SLC25A48: variants seen among roughly 807,000 people sequenced by gnomAD.
SLC25A48 encodes solute carrier family 25 member 48, also known as CTC-321K16.1.
A neutral mutation model predicts 32.2 loss-of-function variants in SLC25A48; 29 were observed. The ratio of observed to expected loss-of-function variants is 0.90; its 90% CI spans 0.67 to 1.23. The LOEUF (loss-of-function observed/expected upper bound fraction) is 1.23, where lower values mean the gene tolerates loss of function less well. Ranked by LOEUF, SLC25A48 falls within the 50% of genes most tolerant of loss-of-function variation. SLC25A48 has a pLI of 0.00. For missense variants in SLC25A48, 399 were observed against 422.7 expected (o/e 0.94, Z 0.49); for synonymous variants, 164 against 172.3 (o/e 0.95, Z 0.38).
intron 3 of SLC25A48, among the ~76,000 whole-genome samples, chr5:135,637,389 G>C (rs564794154): frequency 5.3e-5 from 8 of 152,140 alleles, no homozygotes; most frequent in African/African-American, 1.9e-4. Flanking sequence ...CCACTTCTTG[G>C]AAAGGAAAGT....
At chr5:135,750,639 T>C (rs13168444) in intron 3 of SLC25A48, among the ~76,000 whole-genome samples, 46,051 of 151,914 alleles carry the variant, frequency 0.3, 7,135 homozygotes, top group East Asian at 0.47. Context: ...ATGTTGTCCA[T>C]AGAGATGCCC....
At chr5:135,584,929 T>C (rs1368046350) in intron 1 of SLC25A48, among the ~76,000 whole-genome samples, 1 of 152,260 alleles carries the variant, frequency 6.6e-6, no homozygotes, top group African/African-American at 2.4e-5. Flanking sequence ...GTTGTAAAGC[T>C]TCTCTCCTTG....
chr5:135,634,122 G>A lies in SLC25A48; in HGVS notation c.-708-647G>A, dbSNP rs572311872. ...AGTCCTATTTGCTCTCCAAAAACAAGGTAAGAAGGCAGGGCCAATTCTAGA... is the reference window on the plus strand; with the variant it reads ...AGTCCTATTTGCTCTCCAAAAACAAAGTAAGAAGGCAGGGCCAATTCTAGA... On this transcript the variant is annotated intron_variant, in intron 2 of 10. Transcript: ENST00000646290. Among the ~76,000 whole-genome samples, 10 of 152,308 alleles carry A rather than the reference G, an allele frequency of 6.6e-5. No individual in the cohort carries two copies. The South Asian group carries it at 2.1e-3, about 32-fold the overall frequency.
chr5:135,654,464 G>T (rs187414596), intron 3 of SLC25A48, among the ~76,000 whole-genome samples: 1 of 152,186 alleles, frequency 6.6e-6, no homozygotes, highest in Non-Finnish European at 1.5e-5. Flanking sequence ...TTATGTAAGT[G>T]GGGGAGCTGG....
chr5:135,761,454 A>AAT (rs928902646), intron 3 of SLC25A48, among the ~76,000 whole-genome samples: 4 of 152,082 alleles, frequency 2.6e-5, no homozygotes, highest in African/African-American at 9.7e-5. Flanking sequence ...GTATAATTAA[A>AAT]ATATATATAT....
At chr5:135,811,383 C>T (rs1246663411) in intron 3 of SLC25A48, among the ~76,000 whole-genome samples, 1 of 152,144 alleles carries the variant, frequency 6.6e-6, no homozygotes, top group East Asian at 1.9e-4. Flanking sequence ...TTCATAAAAG[C>T]ACCGAGTAGA....
In SLC25A48 at chr5:135,852,825, A is replaced by G. The variant is rs781076064; in HGVS notation, c.421+4A>G. ...CAGACACAACCGTTTCGGGACGGTA[A>G]GAGGCCAGGGGAGCGGAGGCTGGTG... On this transcript the variant is annotated splice_donor_region_variant and intron_variant, in intron 4 of 7. Transcript: ENST00000681962. 1.2e-6 allele frequency: 2 copies of G among 1,601,678 alleles called. No individual in the cohort carries two copies. The highest frequency in any genetic ancestry group is 2.7e-5 in the African/African-American group (2 of 74,854).
intron 4 of SLC25A48, among the ~76,000 whole-genome samples, chr5:135,864,891 G>T (rs1761072651): frequency 6.6e-6 from 1 of 152,212 alleles, no homozygotes; most frequent in South Asian, 2.1e-4. Context: ...CCCCATGTGG[G>T]CAACAGTGAT....
intron 3 of SLC25A48, among the ~76,000 whole-genome samples, chr5:135,756,949 A>G (rs1199058544): frequency 6.6e-6 from 1 of 151,056 alleles, no homozygotes; most frequent in African/African-American, 2.4e-5. Context: ...TGATATTTAT[A>G]ATATCTAGTG....
Position 135,834,758 on chromosome 5 carries a change from C to T in SLC25A48, c.-90C>T, listed in dbSNP as rs1758353717. 7.1e-7 allele frequency: 1 copy of T among 1,399,020 alleles called. No homozygotes were observed. The highest frequency in any genetic ancestry group is 9.6e-7 in the Non-Finnish European group (1 of 1,042,282). 86.7% of individuals were successfully genotyped at this position (1,399,020 alleles called of 1,614,324 possible). On this transcript the variant is annotated 5_prime_UTR_variant, in exon 1 of 8. Coordinates refer to ENST00000681962, the MANE Select transcript of SLC25A48 (RefSeq NM_001349336.2). ...GCGTGCTCGAGACTCCGACTTCGGTCTTGCGGCGCGCTCGCGCCCGCGGGC... is the reference window on the plus strand; with the variant it reads ...GCGTGCTCGAGACTCCGACTTCGGTTTTGCGGCGCGCTCGCGCCCGCGGGC...
At chr5:135,771,673 G>A (rs1756416121) in intron 3 of SLC25A48, among the ~76,000 whole-genome samples, 1 of 151,482 alleles carries the variant, frequency 6.6e-6, no homozygotes. Flanking sequence ...GAGGAAGAGG[G>A]TGATATTACT....
intron 3 of SLC25A48, among the ~76,000 whole-genome samples, chr5:135,793,566 T>A (rs62364705): frequency 0.11 from 17,348 of 151,902 alleles, 1,183 homozygotes; most frequent in South Asian, 0.19. Flanking sequence ...TCTCTCCTAA[T>A]GTCACATTGG....
chr5:135,598,372 G>A (rs997486772), intron 1 of SLC25A48, among the ~76,000 whole-genome samples: 1 of 152,142 alleles, frequency 6.6e-6, no homozygotes, highest in Non-Finnish European at 1.5e-5. Context: ...CCAGGAACTT[G>A]GACCACTCTG....
chr5:135,822,796 G>A (rs559927162), intron 4 of SLC25A48, among the ~76,000 whole-genome samples: 2 of 152,270 alleles, frequency 1.3e-5, no homozygotes, highest in Non-Finnish European at 2.9e-5. Context: ...AGACCTGGGT[G>A]CTGCCATTTA....
chr5:135,719,364 A>G (rs1033165470), intron 3 of SLC25A48, among the ~76,000 whole-genome samples: 1 of 152,100 alleles, frequency 6.6e-6, no homozygotes, highest in African/African-American at 2.4e-5. Context: ...GTGTATGGGT[A>G]TGTGTCAGTG....
intron 3 of SLC25A48, among the ~76,000 whole-genome samples, chr5:135,767,956 C>T (rs1421130498): frequency 1.6e-5 from 2 of 126,962 alleles, no homozygotes; most frequent in African/African-American, 7.1e-5. Flanking sequence ...TTGTAATATC[C>T]GGGGGGGGGA....
chr5:135,740,884 G>C (rs548068397), intron 3 of SLC25A48, among the ~76,000 whole-genome samples: 12 of 152,140 alleles, frequency 7.9e-5, no homozygotes, highest in Admixed American at 6.5e-4. Context: ...GATTACAGGC[G>C]TGAGCCACTG....
chr5:135,666,859 C>T (rs374982681), intron 3 of SLC25A48, among the ~76,000 whole-genome samples: 20 of 151,960 alleles, frequency 1.3e-4, no homozygotes, highest in African/African-American at 4.8e-4. Flanking sequence ...TGGGGAAAGG[C>T]GGGAGGAGAT....
intron 3 of SLC25A48, among the ~76,000 whole-genome samples, chr5:135,741,153 C>G (rs1049788668): frequency 1.3e-5 from 2 of 152,182 alleles, no homozygotes. Flanking sequence ...AGCCTGGTAA[C>G]TTGCCCAAGG....
Sources: allele counts gnomAD v4.1 joint callset (sites outside exome capture counted in the v4.1 genomes callset), GRCh38; gene constraint gnomAD v4.1.1; transcripts MANE v1.5; gene names NCBI Gene and HGNC (gene_info 2026-07-23, HGNC 2026-07-21).